Variants in AQP9 observed in about 807,000 individuals in gnomAD.
The protein encoded by AQP9 is aquaporin 9.
A neutral mutation model predicts 23.8 loss-of-function variants in AQP9; 19 were observed. The ratio of observed to expected loss-of-function variants is 0.80; its 90% confidence interval spans 0.56 to 1.17. The LOEUF (loss-of-function observed/expected upper bound fraction) is 1.17, where lower values mean the gene tolerates loss of function less well. Ranked by LOEUF, AQP9 falls within the 50% of genes most tolerant of loss-of-function variation. The pLI is 0.00. For synonymous variants in AQP9, 153 were observed against 131.5 expected, an observed-to-expected ratio of 1.16 and a Z score of -1.12; for missense variants, 413 against 362.0, an observed-to-expected ratio of 1.14 and a Z score of -1.14.
intron 1 of AQP9, among the ~76,000 whole-genome samples, chr15:58,161,689 C>T (rs776818617): frequency 6.6e-6 from 1 of 152,186 alleles, no homozygotes; most frequent in African/African-American, 2.4e-5. Context: ...TTAACCTATT[C>T]ACCCTGAACT....
At chr15:58,143,331 G>C (rs553379790) in intron 1 of AQP9, among the ~76,000 whole-genome samples, 1 of 152,270 alleles carries the variant, frequency 6.6e-6, no homozygotes, top group Non-Finnish European at 1.5e-5. Context: ...ATATGATGAC[G>C]AGGACAAGAG....
intron 1 of AQP9, among the ~76,000 whole-genome samples, chr15:58,145,063 A>G (rs1595726782): frequency 6.6e-6 from 1 of 150,970 alleles, no homozygotes; most frequent in Non-Finnish European, 1.5e-5. Context: ...ACTATACCTG[A>G]GGTGACATCC....
chr15:58,168,341 C>A (rs543679539), intron 2 of AQP9, among the ~76,000 whole-genome samples: 95 of 152,192 alleles, frequency 6.2e-4, no homozygotes, highest in African/African-American at 2.2e-3. Context: ...AACACATCCC[C>A]ATTCTTACAC....
chr15:58,153,321 C>A (rs191330059), intron 1 of AQP9: 2 of 152,196 alleles, frequency 1.3e-5, no homozygotes, highest in African/African-American at 4.8e-5. Flanking sequence ...AAGGCCCAAC[C>A]CCAGTTTCAG....
intron 1 of AQP9, among the ~76,000 whole-genome samples, chr15:58,148,271 C>T (rs1898085387): frequency 6.6e-6 from 1 of 152,126 alleles, no homozygotes; most frequent in Non-Finnish European, 1.5e-5. Flanking sequence ...CTGGGTTAAA[C>T]CAAAATAAGC....
At chr15:58,139,392 C>T (rs1897913755) in intron 1 of AQP9, among the ~76,000 whole-genome samples, 1 of 152,160 alleles carries the variant, frequency 6.6e-6, no homozygotes, top group Non-Finnish European at 1.5e-5. Context: ...TAACAAGAGA[C>T]TGGAAAGTTT....
intron 2 of AQP9, among the ~76,000 whole-genome samples, chr15:58,168,714 A>G (rs1395843690): frequency 6.6e-6 from 1 of 152,148 alleles, no homozygotes; most frequent in African/African-American, 2.4e-5. Context: ...ACTTTTGTCC[A>G]GCTTTTGCTG....
At chr15:58,160,929 C>G (rs1053882382) in intron 1 of AQP9, among the ~76,000 whole-genome samples, 9 of 152,112 alleles carry the variant, frequency 5.9e-5, no homozygotes, top group African/African-American at 2.2e-4. Context: ...GTCATCAGCT[C>G]AAAGGGCTCC....
At chr15:58,165,397 T>C (rs1898476876) in intron 1 of AQP9, among the ~76,000 whole-genome samples, 1 of 152,180 alleles carries the variant, frequency 6.6e-6, no homozygotes, top group Non-Finnish European at 1.5e-5. Context: ...AGATGGGTTT[T>C]AAAAAAGAGA....
At chr15:58,157,067 G>T (rs1898278643) in intron 1 of AQP9, among the ~76,000 whole-genome samples, 1 of 152,082 alleles carries the variant, frequency 6.6e-6, no homozygotes, top group Non-Finnish European at 1.5e-5. Context: ...CAGATCTGTT[G>T]ATTTAAAATG....
At chr15:58,156,066 T>G (rs1450344803) in intron 1 of AQP9, 1 of 152,158 alleles carries the variant, frequency 6.6e-6, no homozygotes, top group Non-Finnish European at 1.5e-5. Flanking sequence ...CAAATGAAAC[T>G]GCCCTTGTAG....
Position 58,173,107 on chromosome 15 carries a change from T to C in AQP9, c.278T>C (p.Leu93Pro), listed in dbSNP as rs1348362233. ...CCAGCTGTGTCTTTAGCAATGTGTC[T>C]CTTTGGACGGATGAAATGGTTCAAA... ...INPAVSLAMCLFGRMKWFKLP... is the reference protein window; with the variant it reads ...INPAVSLAMCPFGRMKWFKLP... Residue 93 changes from leucine (L) to proline (P), a missense_variant, in exon 3 of 6, where the codon CTC (leucine) becomes CCC (proline). Physicochemically the swap from Leu to Pro is moderately conservative, Grantham distance 98. Transcript: ENST00000219919. 2.5e-6 allele frequency: 4 copies of C among 1,614,088 alleles called. No homozygotes were observed. The African/African-American group carries it at 5.3e-5, about 22-fold the overall frequency.
At chr15:58,165,892 G>A (rs1305710358) in intron 1 of AQP9, among the ~76,000 whole-genome samples, 2 of 152,206 alleles carry the variant, frequency 1.3e-5, no homozygotes, top group South Asian at 2.1e-4. Flanking sequence ...GAAGCAGTGA[G>A]TTTGGCAGCC....
chr15:58,138,824 T>C (rs1219081127), intron 1 of AQP9, 148 bp downstream of exon 1: 16 of 665,978 alleles, frequency 2.4e-5, no homozygotes, highest in Non-Finnish European at 4.1e-5. Flanking sequence ...TACTAGAGGC[T>C]GTTTGACTAT....
intron 1 of AQP9, among the ~76,000 whole-genome samples, chr15:58,145,116 A>G (rs906934533): frequency 1.3e-5 from 2 of 151,830 alleles, no homozygotes; most frequent in Non-Finnish European, 2.9e-5. Flanking sequence ...CATTTCAGTA[A>G]TTTCTGCTTT....
At chr15:58,181,240 T>C (rs1480650844) in intron 5 of AQP9, among the ~76,000 whole-genome samples, 2 of 152,228 alleles carry the variant, frequency 1.3e-5, no homozygotes, top group East Asian at 3.8e-4. Flanking sequence ...TTCCCTTCCA[T>C]GGAGTCATTT....
At position 58,174,957 on chromosome 15, in the gene AQP9, TG is replaced by T; in HGVS notation, c.419del (p.Gly140GlufsTer31). On this transcript the variant is annotated frameshift_variant, in exon 4 of 6. Transcript: ENST00000219919. LOFTEE classifies it high-confidence loss of function. ...TTTGCTGGTGGAAAACTGCTGATCG[TG>T]GGAGAAAATGCAACAGCACACATTT... is the stretch of plus-strand genomic sequence containing the variant. Reference protein sequence around the residue: ...MSFAGGKLLIVGENATAHIFA... With the variant: ...MSFAGGKLLIXGENATAHIFA... 1.9e-6 allele frequency: 3 copies of T among 1,614,198 alleles called. No individual in the cohort carries two copies. Among genetic ancestry groups the T allele is most frequent in the Non-Finnish European group, 2.5e-6 (3 of 1,180,010 alleles).
In AQP9 at chr15:58,185,631, T is replaced by C. The variant is rs1246941382; in HGVS notation, c.*1496T>C. The C allele has an allele frequency of 1.3e-5, 2 of 152,210 alleles. No individual in the cohort carries two copies. Among genetic ancestry groups the C allele is most frequent in the African/African-American group, 2.4e-5 (1 of 41,456 alleles). 9.4% of individuals were successfully genotyped at this position (152,210 alleles called of 1,614,324 possible). A position where few individuals can be genotyped will look rare whatever the true frequency, so the allele number is the denominator to read the frequency against. ...GTCTTTTCCCCTTGAAGTTCTCTAATAGATGTTACTTTTGACAAAAGATCG... is the reference window on the plus strand; with the variant it reads ...GTCTTTTCCCCTTGAAGTTCTCTAACAGATGTTACTTTTGACAAAAGATCG... On this transcript the variant is annotated 3_prime_UTR_variant, in exon 6 of 6. Transcript: ENST00000219919.
chr15:58,162,286 C>T (rs1343122063), intron 1 of AQP9, among the ~76,000 whole-genome samples: 2 of 152,192 alleles, frequency 1.3e-5, no homozygotes, highest in Admixed American at 6.5e-5. Flanking sequence ...AGTGTCCAAA[C>T]GAAGAGAGAA....
Sources: allele counts gnomAD v4.1 joint callset (sites outside exome capture counted in the v4.1 genomes callset), GRCh38; gene constraint gnomAD v4.1.1; transcripts MANE v1.5; gene names NCBI Gene and HGNC (gene_info 2026-07-23, HGNC 2026-07-21).